PRKN: variants seen among roughly 807,000 people sequenced by gnomAD.
PRKN encodes parkin RBR E3 ubiquitin protein ligase.
Under a neutral mutation model 59.5 loss-of-function variants are expected in PRKN, and 56 were observed. That is an observed-to-expected ratio of 0.94 (90% CI 0.76 to 1.18). The LOEUF (loss-of-function observed/expected upper bound fraction) is 1.18. Ranked by LOEUF, PRKN falls within the 50% of genes most tolerant of loss-of-function variation. The pLI is 0.00. For synonymous variants in PRKN, 250 were observed against 222.1 expected (o/e 1.13, Z -1.12); for missense variants, 657 against 596.4 (o/e 1.10, Z -1.06).
chr6:161,665,453 A>G (rs1047076982), intron 7 of PRKN, among the ~76,000 whole-genome samples: 6 of 152,190 alleles, frequency 3.9e-5, no homozygotes, highest in African/African-American at 1.4e-4. Flanking sequence ...CATGTGGATG[A>G]CAGGAGATAA....
chr6:162,521,992 C>A (rs961204812), intron 1 of PRKN, among the ~76,000 whole-genome samples: 2 of 152,166 alleles, frequency 1.3e-5, no homozygotes, highest in African/African-American at 4.8e-5. Flanking sequence ...AGTGAGATTA[C>A]TTATAAAGAT....
At chr6:161,701,356 T>C (rs1202799876) in intron 7 of PRKN, among the ~76,000 whole-genome samples, 3 of 152,198 alleles carry the variant, frequency 2.0e-5, no homozygotes, top group Admixed American at 2.0e-4. Context: ...GAATGTGATG[T>C]CCTCATAGTT....
At chr6:162,172,123 T>C (rs1273052869) in intron 4 of PRKN, among the ~76,000 whole-genome samples, 2 of 152,216 alleles carry the variant, frequency 1.3e-5, no homozygotes, top group Non-Finnish European at 2.9e-5. Context: ...GAGTAAGTGA[T>C]AGAACTGAGT....
intron 5 of PRKN, among the ~76,000 whole-genome samples, chr6:162,029,479 A>C (rs1352941374): frequency 5.9e-5 from 9 of 152,278 alleles, no homozygotes; most frequent in African/African-American, 1.9e-4. Flanking sequence ...TGGGGAAATG[A>C]AATGCGTACT....
chr6:162,332,342 G>A (rs1454076394), intron 2 of PRKN, among the ~76,000 whole-genome samples: 1 of 152,184 alleles, frequency 6.6e-6, no homozygotes, highest in Non-Finnish European at 1.5e-5. Flanking sequence ...AAGTTCTCCA[G>A]GAGCAGTGTC....
intron 2 of PRKN, among the ~76,000 whole-genome samples, chr6:162,385,191 G>T (rs1786736106): frequency 6.6e-6 from 1 of 152,116 alleles, no homozygotes; most frequent in Admixed American, 6.5e-5. Flanking sequence ...ATTCCCTCAA[G>T]GAATTGAGTA....
At position 161,386,747 on chromosome 6, in the gene PRKN, A is replaced by T. The variant is rs774091145; in HGVS notation, c.1167+47T>A. ...CTCCAGGAAACGGCTCCAGTCCCCC[A>T]CTGTATCCGGAGCCCTGCTTGGAGG... On this transcript the variant is annotated intron_variant, in intron 10 of 11. Transcript: ENST00000366898. This position sits in a 1 kb window ranked among gnomAD's most constrained non-coding sequence, Gnocchi z 4.3. The T allele has an allele frequency of 4.2e-6, 6 of 1,415,614 alleles. No homozygotes were observed. Among genetic ancestry groups the T allele is most frequent in the Non-Finnish European group, 5.0e-6 (5 of 999,336 alleles). The allele number at this position is 1,415,614 out of a possible 1,614,324, so 87.7% of individuals were successfully genotyped here. A position where few individuals can be genotyped will look rare whatever the true frequency, so the allele number is the denominator to read the frequency against.
At chr6:161,532,160 CTCTCTCTA>C (rs1448256650) in intron 9 of PRKN, among the ~76,000 whole-genome samples, 75 of 62,494 alleles carry the variant, frequency 1.2e-3, no homozygotes, top group Middle Eastern at 7.1e-3. Context: ...CTCTCTCTCT[CTCTCTCTA>C]TATATATATA....
intron 2 of PRKN, among the ~76,000 whole-genome samples, chr6:162,360,106 T>C (rs1785070368): frequency 1.3e-5 from 2 of 151,926 alleles, no homozygotes. Flanking sequence ...TGGGTGTGGG[T>C]GTGGGTGCGG....
intron 2 of PRKN, among the ~76,000 whole-genome samples, chr6:162,320,027 T>C (rs1263500759): frequency 6.6e-6 from 1 of 151,904 alleles, no homozygotes; most frequent in Non-Finnish European, 1.5e-5. Context: ...TGTGTACACA[T>C]TCTTTAGCTC....
intron 7 of PRKN, among the ~76,000 whole-genome samples, chr6:161,682,812 T>G (rs1785418195): frequency 6.6e-6 from 1 of 152,112 alleles, no homozygotes; most frequent in African/African-American, 2.4e-5. Flanking sequence ...GAACCATCCC[T>G]GCACCACACA....
At chr6:161,906,625 G>T (rs1778152251) in intron 6 of PRKN, among the ~76,000 whole-genome samples, 1 of 142,004 alleles carries the variant, frequency 7.0e-6, no homozygotes, top group Non-Finnish European at 1.5e-5. Context: ...GTATTAGTCA[G>T]GGTTCTCAAG....
At chr6:162,604,119 T>C (rs896729016) in intron 1 of PRKN, among the ~76,000 whole-genome samples, 1 of 152,182 alleles carries the variant, frequency 6.6e-6, no homozygotes, top group Admixed American at 6.5e-5. Flanking sequence ...ATTGCACCTG[T>C]CTGACCACAG....
Position 161,444,590 on chromosome 6 carries a change from G to C in PRKN, c.1084-57713C>G, listed in dbSNP as rs954227559. On this transcript the variant is annotated intron_variant, in intron 9 of 11. Coordinates refer to ENST00000366898, the MANE Select transcript of PRKN (RefSeq NM_004562.3). The surrounding 1 kb of genome is among the most constrained non-coding windows in gnomAD (Gnocchi z 5.6). ...TCAGTCAGCAAATATTAATTGACGT[G>C]GTGAGGTTGTGCTCTGAAAAGCTGA... 2.0e-5 allele frequency among the ~76,000 whole-genome samples: 3 copies of C among 152,248 alleles called. No homozygotes were observed. Among genetic ancestry groups the C allele is most frequent in the African/African-American group, 7.2e-5 (3 of 41,468 alleles).
At chr6:162,601,687 T>G (rs1781717653) in intron 1 of PRKN, among the ~76,000 whole-genome samples, 1 of 152,122 alleles carries the variant, frequency 6.6e-6, no homozygotes, top group Admixed American at 6.6e-5. Context: ...GCAGTACATT[T>G]TTATATATGA....
intron 7 of PRKN, among the ~76,000 whole-genome samples, chr6:161,733,804 A>ATATATATATATATG (rs1787845353): frequency 5.4e-5 from 7 of 129,076 alleles, no homozygotes; most frequent in African/African-American, 2.3e-4. Context: ...ATATGTATAT[A>ATATATATATATATG]TATATATATA....
intron 2 of PRKN, among the ~76,000 whole-genome samples, chr6:162,399,813 T>C (rs1341369212): frequency 1.3e-5 from 2 of 150,846 alleles, no homozygotes; most frequent in South Asian, 2.1e-4. Context: ...AGATGTGAAG[T>C]GACACAAAGG....
At chr6:161,825,998 C>T (rs887645479) in intron 6 of PRKN, among the ~76,000 whole-genome samples, 2 of 152,162 alleles carry the variant, frequency 1.3e-5, no homozygotes, top group African/African-American at 2.4e-5. Flanking sequence ...CTAGCCATCC[C>T]GGGCTTCCAC....
intron 7 of PRKN, among the ~76,000 whole-genome samples, chr6:161,708,837 A>G (rs962478377): frequency 2.0e-5 from 3 of 152,350 alleles, no homozygotes; most frequent in African/African-American, 7.2e-5. Flanking sequence ...ATGTTGCCCA[A>G]TGCAACGAGG....
Sources: gnomAD v4.1 joint callset for allele counts (sites outside exome capture counted in the v4.1 genomes callset) on GRCh38, gnomAD v4.1.1 for gene constraint, Gnocchi (gnomAD v3.1) non-coding constraint, MANE v1.5 for transcripts, NCBI Gene and HGNC (gene_info 2026-07-23, HGNC 2026-07-21) for gene names.